SNX29: variants seen among roughly 807,000 people sequenced by gnomAD.
SNX29 encodes the protein sorting nexin 29, also known as sorting nexin-29.
Under a neutral mutation model 102.1 loss-of-function variants are expected in SNX29, and 78 were observed. The observed-to-expected ratio is 0.76, with a 90% CI of 0.64 to 0.92. The LOEUF is 0.92. SNX29 is among the 40% of genes least tolerant of loss of function. The pLI, the probability that SNX29 is intolerant of heterozygous loss-of-function variation, is 0.00. For missense variants in SNX29, 1,280 were observed against 1,061.7 expected (o/e 1.21, Z -2.86); for synonymous variants, 580 against 414.5 (o/e 1.40, Z -4.85).
intron 14 of SNX29, among the ~76,000 whole-genome samples, chr16:12,237,120 A>G (rs1696228192): frequency 6.6e-6 from 1 of 152,176 alleles, no homozygotes; most frequent in African/African-American, 2.4e-5. Flanking sequence ...ACCTGGGGGC[A>G]GGCAGATGCC....
intron 20 of SNX29, among the ~76,000 whole-genome samples, chr16:12,561,890 G>A (rs943504205): frequency 6.6e-6 from 1 of 152,124 alleles, no homozygotes; most frequent in Non-Finnish European, 1.5e-5. Flanking sequence ...AGGTGACCGT[G>A]GCATCCCAGG....
In SNX29 at chr16:12,055,586, A is replaced by G. The variant is rs570530204; in HGVS notation, c.1124+3364A>G. On this transcript the variant is annotated intron_variant, in intron 8 of 20. Transcript: ENST00000566228. ...ATGTGATTGTGGGGCTGGGAAGTCC[A>G]AAATCCACAGGTTAGGTGTGTGGAC... 2.8e-4 allele frequency among the ~76,000 whole-genome samples: 43 copies of G among 152,282 alleles called. No homozygotes were observed. The South Asian group carries it at 8.9e-3, about 32-fold the overall frequency.
intron 15 of SNX29, among the ~76,000 whole-genome samples, chr16:12,278,782 C>T (rs932242453): frequency 2.0e-5 from 3 of 152,116 alleles, no homozygotes; most frequent in Non-Finnish European, 2.9e-5. Flanking sequence ...CAAATTCAGT[C>T]GCATATTAAA....
chr16:12,341,887 C>G (rs1009410820), intron 15 of SNX29, among the ~76,000 whole-genome samples: 19 of 152,280 alleles, frequency 1.2e-4, no homozygotes, highest in African/African-American at 4.6e-4. Flanking sequence ...CATGACATTC[C>G]CATTGTAGGG....
chr16:12,312,088 G>A (rs2080574187), intron 15 of SNX29, among the ~76,000 whole-genome samples: 1 of 152,194 alleles, frequency 6.6e-6, no homozygotes, highest in Non-Finnish European at 1.5e-5. Flanking sequence ...GCTCTGAGCT[G>A]CAAGGGAAGC....
chr16:12,552,562 C>T (rs76455034), intron 20 of SNX29, among the ~76,000 whole-genome samples: 15 of 152,132 alleles, frequency 9.9e-5, no homozygotes, highest in South Asian at 6.2e-4. Flanking sequence ...GCACACAGGC[C>T]AGCCAAGTTG....
At chr16:12,323,572 G>A (rs2081028940) in intron 15 of SNX29, among the ~76,000 whole-genome samples, 1 of 151,510 alleles carries the variant, frequency 6.6e-6, no homozygotes, top group Non-Finnish European at 1.5e-5. Context: ...GATGAGCCTC[G>A]ACTTGAAAGA....
rs1415310695 is a variant in SNX29, at chr16:12,179,450, C to T, written c.1596-20151C>T. Among the ~76,000 whole-genome samples the T allele has an allele frequency of 2.0e-5, 3 of 152,258 alleles. No homozygotes were observed. In the East Asian group the frequency reaches 5.8e-4, roughly 29 times the overall value. On this transcript the variant is annotated intron_variant, in intron 13 of 20. Transcript: ENST00000566228. Reference sequence around the variant, plus strand: ...AATGAGCCATGATGGCGCCACTGTACTCCAGCTTTGGTGACAGAGTGAGAC... The same window carrying T: ...AATGAGCCATGATGGCGCCACTGTATTCCAGCTTTGGTGACAGAGTGAGAC...
intron 11 of SNX29, among the ~76,000 whole-genome samples, chr16:12,111,030 T>A (rs1056842838): frequency 1.3e-5 from 2 of 152,062 alleles, no homozygotes; most frequent in African/African-American, 4.8e-5. Context: ...CTATGTTGCC[T>A]CAAACTCCTA....
At position 12,085,080 on chromosome 16, in the gene SNX29, G is replaced by GA. The variant is rs374081538; in HGVS notation, c.1402+6175dup. Among the ~76,000 whole-genome samples, 603 of 146,894 alleles carry GA rather than the reference G, an allele frequency of 4.1e-3. 2 individuals carry two copies. The highest frequency in any genetic ancestry group is 0.01 in the African/African-American group (401 of 40,036). On this transcript the variant is annotated intron_variant, in intron 11 of 20. Transcript: ENST00000566228. ...GCTAGACCCGTCTCAAAAAGAAAAA[G>GA]AAAAAAAAAAGAAATCCCCAGGGCA...
At chr16:12,563,295 G>C (rs576382698) in intron 20 of SNX29, among the ~76,000 whole-genome samples, 2 of 152,112 alleles carry the variant, frequency 1.3e-5, no homozygotes, top group African/African-American at 2.4e-5. Flanking sequence ...TCCACAGCTC[G>C]GAAAGTCTGC....
At chr16:12,469,342 A>C (rs937093393) in intron 18 of SNX29, among the ~76,000 whole-genome samples, 1 of 152,236 alleles carries the variant, frequency 6.6e-6, no homozygotes, top group African/African-American at 2.4e-5. Flanking sequence ...ACTTATAGTT[A>C]ATAACACATG....
intron 18 of SNX29, among the ~76,000 whole-genome samples, chr16:12,406,877 C>G (rs576272930): frequency 1.3e-5 from 2 of 152,312 alleles, no homozygotes; most frequent in Non-Finnish European, 2.9e-5. Flanking sequence ...CCACTACACT[C>G]AAGCCTGGGC....
chr16:12,433,134 G>A (rs2085383026), intron 18 of SNX29, among the ~76,000 whole-genome samples: 1 of 152,214 alleles, frequency 6.6e-6, no homozygotes, highest in Admixed American at 6.5e-5. Flanking sequence ...TTCAGACCCT[G>A]TGGAGGTCCA....
intron 20 of SNX29, among the ~76,000 whole-genome samples, chr16:12,543,860 C>T (rs1457557199): frequency 3.9e-5 from 6 of 152,228 alleles, no homozygotes; most frequent in Admixed American, 2.6e-4. Context: ...AGTGGTGGAA[C>T]ATCCTCTTAC....
intron 19 of SNX29, among the ~76,000 whole-genome samples, chr16:12,490,949 G>T (rs963098635): frequency 7.9e-5 from 12 of 152,226 alleles, no homozygotes; most frequent in African/African-American, 2.9e-4. Flanking sequence ...GAATCATTCT[G>T]TGTCCTTATA....
chr16:12,554,767 C>G (rs934339282), intron 20 of SNX29, among the ~76,000 whole-genome samples: 10 of 152,074 alleles, frequency 6.6e-5, no homozygotes, highest in Non-Finnish European at 2.9e-5. Flanking sequence ...AACGTGCTCT[C>G]TCCCCCGCCA....
intron 18 of SNX29, among the ~76,000 whole-genome samples, chr16:12,423,341 C>G (rs893022670): frequency 3.9e-5 from 6 of 152,184 alleles, no homozygotes; most frequent in African/African-American, 1.4e-4. Flanking sequence ...TACCCACTGC[C>G]TCCCGTCAAC....
At chr16:12,364,161 T>TATGTTATGTTA (rs376565121) in intron 16 of SNX29, among the ~76,000 whole-genome samples, 119 of 138,464 alleles carry the variant, frequency 8.6e-4, no homozygotes, top group African/African-American at 2.9e-3. Context: ...CCTGGCTTGT[T>TATGTTATGTTA]TGTTATGTTA....
Sources: gnomAD v4.1 joint callset for allele counts (sites outside exome capture counted in the v4.1 genomes callset) on GRCh38, gnomAD v4.1.1 for gene constraint, MANE v1.5 for transcripts, NCBI Gene and HGNC (gene_info 2026-07-23, HGNC 2026-07-21) for gene names.